Variants in RBFOX1 observed in about 807,000 individuals in gnomAD.
RBFOX1 encodes the protein RNA binding protein fox-1 homolog 1.
RBFOX1 carries 8 observed loss-of-function variants against 57.7 expected under a neutral mutation model. The ratio of observed to expected loss-of-function variants is 0.14; its 90% CI spans 0.08 to 0.25. The LOEUF (loss-of-function observed/expected upper bound fraction) is 0.25. Among genes scored for constraint, RBFOX1 ranks in the 10% least tolerant of loss-of-function variants. RBFOX1 has a pLI of 1.00. For missense variants in RBFOX1, 611 were observed against 548.5 expected (o/e 1.11, Z -1.14); for synonymous variants, 326 against 222.4 (o/e 1.47, Z -4.15).
At chr16:5,634,442 AATC>A (rs2048618486) in intron 3 of RBFOX1, among the ~76,000 whole-genome samples, 1 of 152,232 alleles carries the variant, frequency 6.6e-6, no homozygotes. Flanking sequence ...TAAGCTAATT[AATC>A]ATTTTAAATT....
At chr16:6,481,594 C>A (rs1055859679) in intron 2 of RBFOX1, among the ~76,000 whole-genome samples, 3 of 152,214 alleles carry the variant, frequency 2.0e-5, no homozygotes, top group Non-Finnish European at 4.4e-5. Context: ...ATTTGTGAAT[C>A]TCTGTAATTG....
intron 2 of RBFOX1, among the ~76,000 whole-genome samples, chr16:6,646,973 TAGTC>T (rs974368678): frequency 2.0e-5 from 3 of 152,172 alleles, no homozygotes; most frequent in South Asian, 2.1e-4. Flanking sequence ...AACCTTGTCT[TAGTC>T]AGCCTGGGCT....
intron 5 of RBFOX1, among the ~76,000 whole-genome samples, chr16:7,563,670 A>G (rs149053832): frequency 1.3e-5 from 2 of 152,126 alleles, no homozygotes; most frequent in East Asian, 1.9e-4. Flanking sequence ...GGGTTTCACT[A>G]TGTTGGCCAG....
Position 5,946,094 on chromosome 16 carries a change from C to T in RBFOX1, c.351+78759C>T, listed in dbSNP as rs76557929. 5.1e-3 allele frequency among the ~76,000 whole-genome samples: 781 copies of T among 152,282 alleles called. 4 individuals are homozygous for T. Among genetic ancestry groups the T allele is most frequent in the African/African-American group, 0.018 (758 of 41,554 alleles). On this transcript the variant is annotated intron_variant, in intron 4 of 19. Coordinates refer to the RBFOX1 transcript ENST00000641259. This position sits in a 1 kb window ranked among gnomAD's most constrained non-coding sequence, Gnocchi z 4.6. The stretch of plus-strand genomic sequence containing the variant: ...GGGTTTTAATTAGTGGACTGACTTA[C>T]CCGCTATTCTTGTCTTTTTAAAAAA...
At chr16:7,270,008 C>T (rs2095278347) in intron 4 of RBFOX1, among the ~76,000 whole-genome samples, 1 of 152,140 alleles carries the variant, frequency 6.6e-6, no homozygotes, top group South Asian at 2.1e-4. Context: ...TTGTCTGTTT[C>T]GTAATGCCAA....
At chr16:6,506,316 G>T (rs1462751386) in intron 2 of RBFOX1, among the ~76,000 whole-genome samples, 1 of 152,084 alleles carries the variant, frequency 6.6e-6, no homozygotes, top group East Asian at 1.9e-4. Flanking sequence ...GGAGTATGGG[G>T]AGCTGGAGGG....
chr16:6,324,838 T>C (rs1054388365), intron 2 of RBFOX1, among the ~76,000 whole-genome samples: 9 of 152,312 alleles, frequency 5.9e-5, no homozygotes, highest in East Asian at 1.9e-4. Context: ...AGTATCATTA[T>C]CTCAGCAAGA....
intron 4 of RBFOX1, among the ~76,000 whole-genome samples, chr16:5,960,600 G>A (rs778960313): frequency 6.6e-6 from 1 of 151,966 alleles, no homozygotes; most frequent in Non-Finnish European, 1.5e-5. Context: ...TCAGATTCAT[G>A]CCGTTCACAG....
intron 2 of RBFOX1, among the ~76,000 whole-genome samples, chr16:6,400,132 T>C (rs2093009260): frequency 6.6e-6 from 1 of 152,216 alleles, no homozygotes; most frequent in Admixed American, 6.5e-5. Context: ...TAGAATAATG[T>C]ATCCAACAAC....
chr16:6,726,302 A>G (rs1052676462), intron 3 of RBFOX1, among the ~76,000 whole-genome samples: 8 of 152,176 alleles, frequency 5.3e-5, no homozygotes, highest in Admixed American at 3.3e-4. Flanking sequence ...ATTAGGTTTT[A>G]AGTAGTGTGC....
chr16:7,338,885 A>G (rs1039270345), intron 4 of RBFOX1, among the ~76,000 whole-genome samples: 1 of 152,128 alleles, frequency 6.6e-6, no homozygotes, highest in African/African-American at 2.4e-5. Context: ...CTGCCCTGCG[A>G]TTTTATCTCC....
Position 5,432,244 on chromosome 16 carries a change from C to G in RBFOX1, c.220-34972C>G, listed in dbSNP as rs183170061. 2.0e-3 allele frequency among the ~76,000 whole-genome samples: 305 copies of G among 152,192 alleles called. 2 individuals carry two copies. The highest frequency in any genetic ancestry group is 7.2e-3 in the African/African-American group (298 of 41,512). On this transcript the variant is annotated intron_variant, in intron 1 of 2. Coordinates refer to the RBFOX1 transcript ENST00000585867. ...AAGCATGGGACAGAATCAAATCGGC[C>G]TGTAAAAATAAAAACATGGTTACAG...
chr16:7,468,687 C>G (rs192906371), intron 4 of RBFOX1, among the ~76,000 whole-genome samples: 1 of 152,110 alleles, frequency 6.6e-6, no homozygotes, highest in African/African-American at 2.4e-5. Flanking sequence ...GCTTTAAAGT[C>G]TTCTGAAGAT....
chr16:6,219,373 A>G (rs62016049), intron 1 of RBFOX1, among the ~76,000 whole-genome samples: 27,215 of 152,224 alleles, frequency 0.18, 2,787 homozygotes, highest in Middle Eastern at 0.34. Context: ...CTGGAGGTCC[A>G]GGAGGTCGAG....
intron 14 of RBFOX1, among the ~76,000 whole-genome samples, chr16:7,681,455 C>G (rs1448438807): frequency 6.6e-6 from 1 of 152,088 alleles, no homozygotes; most frequent in Non-Finnish European, 1.5e-5. Flanking sequence ...TACTTCCTGT[C>G]TATTTTAGAA....
chr16:7,023,408 C>A (rs561436191), intron 3 of RBFOX1, among the ~76,000 whole-genome samples: 1 of 150,044 alleles, frequency 6.7e-6, no homozygotes, highest in Non-Finnish European at 1.5e-5. Flanking sequence ...TGCAGTGAGC[C>A]GAGATCATGT....
At chr16:7,056,868 G>A (rs1230705148) in intron 4 of RBFOX1, among the ~76,000 whole-genome samples, 5 of 152,126 alleles carry the variant, frequency 3.3e-5, no homozygotes, top group African/African-American at 1.2e-4. Context: ...AGCATACTAG[G>A]AAGGGTGGTT....
At chr16:7,167,354 G>C (rs909518715) in intron 4 of RBFOX1, among the ~76,000 whole-genome samples, 1 of 151,952 alleles carries the variant, frequency 6.6e-6, no homozygotes, top group Non-Finnish European at 1.5e-5. Context: ...ACTTAGAGTG[G>C]ACCCTAAGTC....
intron 2 of RBFOX1, among the ~76,000 whole-genome samples, chr16:6,568,361 A>T (rs2097296700): frequency 6.6e-6 from 1 of 152,136 alleles, no homozygotes; most frequent in African/African-American, 2.4e-5. Flanking sequence ...GGGCCTCTTT[A>T]CAGGCTGCTG....
Sources: allele counts gnomAD v4.1 joint callset (sites outside exome capture counted in the v4.1 genomes callset), GRCh38; gene constraint gnomAD v4.1.1; non-coding constraint Gnocchi (gnomAD v3.1); transcripts MANE v1.5; gene names NCBI Gene and HGNC (gene_info 2026-07-23, HGNC 2026-07-21).